The following NRG3 variants were observed in gnomAD, a reference collection of about 807,000 sequenced individuals.
NRG3 encodes neuregulin 3.
Under a neutral mutation model 66.9 loss-of-function variants are expected in NRG3, and 31 were observed. The observed-to-expected ratio is 0.46, with a 90% CI of 0.35 to 0.63. NRG3 has a LOEUF of 0.63. NRG3 is among the 20% of genes least tolerant of loss of function. The pLI is 0.00. For synonymous variants in NRG3, 393 were observed against 359.4 expected (o/e 1.09, Z -1.06); for missense variants, 910 against 878.9 (o/e 1.04, Z -0.45).
intron 4 of NRG3, among the ~76,000 whole-genome samples, chr10:82,879,783 G>A (rs1469493414): frequency 6.6e-6 from 1 of 151,970 alleles, no homozygotes; most frequent in Non-Finnish European, 1.5e-5. Context: ...GCCTAATGAA[G>A]ACTTTTTAAA....
At chr10:82,725,937 G>A (rs752635543) in intron 2 of NRG3, among the ~76,000 whole-genome samples, 1 of 152,118 alleles carries the variant, frequency 6.6e-6, no homozygotes, top group Non-Finnish European at 1.5e-5. Flanking sequence ...AACTCCCAAT[G>A]AGACTGTATT....
At chr10:82,851,610 C>G (rs1225911290) in intron 3 of NRG3, among the ~76,000 whole-genome samples, 1 of 152,088 alleles carries the variant, frequency 6.6e-6, no homozygotes, top group Non-Finnish European at 1.5e-5. Context: ...AAATATTTTT[C>G]TCTCTCTCTT....
At chr10:82,960,958 T>G (rs1850581111) in intron 6 of NRG3, among the ~76,000 whole-genome samples, 1 of 152,204 alleles carries the variant, frequency 6.6e-6, no homozygotes, top group South Asian at 2.1e-4. Flanking sequence ...ACAGCCTTGT[T>G]GCTCACACAA....
chr10:82,286,319 A>C (rs1283940655), intron 1 of NRG3, among the ~76,000 whole-genome samples: 2 of 152,064 alleles, frequency 1.3e-5, no homozygotes, highest in Non-Finnish European at 2.9e-5. Flanking sequence ...TCATGATGGG[A>C]TGGTGGTGTG....
intron 1 of NRG3, chr10:81,878,094 A>C: frequency 6.5e-7 from 1 of 1,529,908 alleles, no homozygotes. Flanking sequence ...GAAAAGCCCA[A>C]GGTAATTATT....
chr10:82,377,457 T>TGTGTGCGC (rs57900993), intron 2 of NRG3, among the ~76,000 whole-genome samples: 8,229 of 150,250 alleles, frequency 0.055, 749 homozygotes, highest in African/African-American at 0.19. Flanking sequence ...TGTGTGTGTG[T>TGTGTGCGC]GCGCGAGCGC....
intron 1 of NRG3, among the ~76,000 whole-genome samples, chr10:82,192,798 G>T (rs2074229273): frequency 6.6e-6 from 1 of 152,170 alleles, no homozygotes; most frequent in Non-Finnish European, 1.5e-5. Flanking sequence ...GAATCAAGTG[G>T]TAGGAAATGT....
chr10:82,951,681 C>A (rs1342277681), intron 5 of NRG3, 110 bp downstream of exon 5: 2 of 875,948 alleles, frequency 2.3e-6, no homozygotes, highest in Non-Finnish European at 3.7e-6. Flanking sequence ...GGAAATGGGT[C>A]TAGCAACAAT....
chr10:81,955,618 TA>T, intron 1 of NRG3, among the ~76,000 whole-genome samples: 1 of 152,308 alleles, frequency 6.6e-6, no homozygotes, highest in Admixed American at 6.5e-5. Context: ...TATATTCAAG[TA>T]CCTACTTAGT....
At chr10:82,577,633 T>C (rs1407721880) in intron 2 of NRG3, among the ~76,000 whole-genome samples, 1 of 151,718 alleles carries the variant, frequency 6.6e-6, no homozygotes, top group Non-Finnish European at 1.5e-5. Flanking sequence ...AAAAAATCTT[T>C]CTATGACCTT....
chr10:82,571,743 G>A (rs1319303406), intron 2 of NRG3, among the ~76,000 whole-genome samples: 1 of 151,588 alleles, frequency 6.6e-6, no homozygotes, highest in African/African-American at 2.4e-5. Context: ...CAATTGAAGT[G>A]GCATCTGTGT....
chr10:82,696,697 C>G (rs554983602), intron 2 of NRG3, among the ~76,000 whole-genome samples: 1 of 152,064 alleles, frequency 6.6e-6, no homozygotes, highest in East Asian at 1.9e-4. Flanking sequence ...AATGGAAAAA[C>G]CAAGTCCAAG....
chr10:82,879,331 G>T (rs1011912148), intron 4 of NRG3, among the ~76,000 whole-genome samples: 1 of 152,104 alleles, frequency 6.6e-6, no homozygotes, highest in African/African-American at 2.4e-5. Context: ...TGTCTAAAAC[G>T]TATAAGCAAA....
intron 1 of NRG3, among the ~76,000 whole-genome samples, chr10:81,999,542 T>TA: frequency 6.6e-6 from 1 of 152,140 alleles, no homozygotes. Context: ...GGTCATTTTG[T>TA]AAAAAATGTT....
intron 6 of NRG3, among the ~76,000 whole-genome samples, chr10:82,967,457 A>T (rs907996554): frequency 3.0e-4 from 45 of 152,136 alleles, no homozygotes; most frequent in African/African-American, 1.1e-3. Flanking sequence ...TTATTTTTTC[A>T]GTGACAGAAT....
intron 1 of NRG3, among the ~76,000 whole-genome samples, chr10:82,139,791 T>C (rs2069636302): frequency 6.6e-6 from 1 of 152,158 alleles, no homozygotes; most frequent in Non-Finnish European, 1.5e-5. Context: ...AAAAAATGAC[T>C]TATAAGCTTG....
At chr10:82,711,807 A>AT (rs1375782902) in intron 2 of NRG3, among the ~76,000 whole-genome samples, 2 of 152,052 alleles carry the variant, frequency 1.3e-5, no homozygotes, top group African/African-American at 4.8e-5. Flanking sequence ...ATCCTCTTGG[A>AT]TCCCCATTGT....
In NRG3 at chr10:82,616,978, G is replaced by T. The variant is rs573320203; in HGVS notation, c.954-121599G>T. Among the ~76,000 whole-genome samples the T allele has an allele frequency of 1.5e-4, 23 of 152,258 alleles. No individual in the cohort carries two copies. In the East Asian group the frequency reaches 4.2e-3, roughly 28 times the overall value. On this transcript the variant is annotated intron_variant, in intron 2 of 8. Coordinates refer to ENST00000372141, the MANE Select transcript of NRG3 (RefSeq NM_001010848.4). ...CCTGAGATGCTAAGTAAATTCTTTG[G>T]TTTGTTAAATTGAATGTAAAACATA... is the stretch of plus-strand genomic sequence containing the variant.
At chr10:82,647,345 T>C (rs1289946982) in intron 2 of NRG3, among the ~76,000 whole-genome samples, 1 of 152,238 alleles carries the variant, frequency 6.6e-6, no homozygotes, top group African/African-American at 2.4e-5. Flanking sequence ...CATCCTTTTT[T>C]ATGGCTGCAT....
Sources: gnomAD v4.1 joint callset for allele counts (sites outside exome capture counted in the v4.1 genomes callset) on GRCh38, gnomAD v4.1.1 for gene constraint, MANE v1.5 for transcripts, NCBI Gene and HGNC (gene_info 2026-07-23, HGNC 2026-07-21) for gene names.